Variants in RALYL observed in about 807,000 individuals in gnomAD.
The protein encoded by RALYL is RALY RNA binding protein like.
RALYL carries 29 observed loss-of-function variants against 35.1 expected under a neutral mutation model. That is an observed-to-expected ratio of 0.83 (90% CI 0.61 to 1.13). The LOEUF (loss-of-function observed/expected upper bound fraction) is 1.13, where lower values mean the gene tolerates loss of function less well. Among genes scored for constraint, RALYL ranks in the 50% most tolerant of loss-of-function variants. RALYL has a pLI of 0.00. For synonymous variants in RALYL, 120 were observed against 127.6 expected (o/e 0.94, Z 0.40); for missense variants, 359 against 360.4 (o/e 1.00, Z 0.03).
chr8:84,668,279 ATTG>A (rs1832473008), intron 2 of RALYL, among the ~76,000 whole-genome samples: 1 of 152,164 alleles, frequency 6.6e-6, no homozygotes, highest in East Asian at 1.9e-4. Flanking sequence ...GATGAATGCT[ATTG>A]TTGGAGCCCA....
intron 7 of RALYL, among the ~76,000 whole-genome samples, chr8:84,884,530 T>C (rs556754271): frequency 2.4e-4 from 34 of 143,094 alleles, no homozygotes; most frequent in African/African-American, 8.6e-4. Flanking sequence ...TACACACACA[T>C]ATATGTATAT....
chr8:84,602,186 C>T (rs1172241511), intron 2 of RALYL, among the ~76,000 whole-genome samples: 1 of 152,136 alleles, frequency 6.6e-6, no homozygotes, highest in Non-Finnish European at 1.5e-5. Flanking sequence ...GAGCTCCAGA[C>T]TGAAACATAT....
At chr8:84,858,341 G>A (rs746957384) in intron 5 of RALYL, among the ~76,000 whole-genome samples, 2 of 152,020 alleles carry the variant, frequency 1.3e-5, no homozygotes, top group Non-Finnish European at 2.9e-5. Flanking sequence ...TGGACCTTGA[G>A]GAAAGAATTA....
chr8:84,432,758 T>G (rs773217375), intron 1 of RALYL, among the ~76,000 whole-genome samples: 5 of 152,024 alleles, frequency 3.3e-5, no homozygotes, highest in Non-Finnish European at 7.4e-5. Context: ...GAGGCATAGA[T>G]TGGAATTATA....
intron 2 of RALYL, among the ~76,000 whole-genome samples, chr8:84,689,897 T>C (rs1837666302): frequency 6.6e-6 from 1 of 152,138 alleles, no homozygotes; most frequent in Admixed American, 6.6e-5. Flanking sequence ...ATAGCAAGTG[T>C]CATCAAGTGT....
chr8:84,707,098 T>G (rs1272512226), intron 2 of RALYL, among the ~76,000 whole-genome samples: 1 of 152,174 alleles, frequency 6.6e-6, no homozygotes, highest in Non-Finnish European at 1.5e-5. Context: ...TGCGATAATT[T>G]ATTCTTTGGT....
At chr8:84,477,150 A>C (rs2053522915) in intron 1 of RALYL, among the ~76,000 whole-genome samples, 1 of 152,038 alleles carries the variant, frequency 6.6e-6, no homozygotes, top group South Asian at 2.1e-4. Context: ...TTCTAGGTAA[A>C]ATTTCAAGTC....
At chr8:84,602,497 A>G (rs1249110609) in intron 2 of RALYL, among the ~76,000 whole-genome samples, 1 of 152,080 alleles carries the variant, frequency 6.6e-6, no homozygotes, top group Non-Finnish European at 1.5e-5. Context: ...CATTCCAGTC[A>G]ATTCCCCTAC....
rs374843936 is a variant in RALYL at position 84,438,219 on chromosome 8, C to T, written c.-23-91080C>T. On this transcript the variant is annotated intron_variant, in intron 1 of 8. Transcript: ENST00000521268. ...TGTAGGTTGTCTGTTTAGTTTACTC[C>T]GTTGATAATTTCTTTTCCTGTGCAG... Among the ~76,000 whole-genome samples the T allele has an allele frequency of 5.9e-5, 9 of 152,116 alleles. No individual in the cohort carries two copies. The East Asian group carries it at 1.4e-3, about 23-fold the overall frequency.
intron 2 of RALYL, among the ~76,000 whole-genome samples, chr8:84,748,354 T>G (rs940642432): frequency 6.6e-6 from 1 of 151,984 alleles, no homozygotes; most frequent in Non-Finnish European, 1.5e-5. Flanking sequence ...TTGGATAATA[T>G]GGATGAAAGA....
At position 84,756,964 on chromosome 8, in the gene RALYL, C is replaced by G. The variant is rs866957189; in HGVS notation, c.257-17615C>G. Among the ~76,000 whole-genome samples the G allele has an allele frequency of 9.2e-5, 14 of 152,134 alleles. 1 individual carries two copies. Among genetic ancestry groups the G allele is most frequent in the South Asian group, 8.3e-4 (4 of 4,820 alleles). On this transcript the variant is annotated intron_variant, in intron 2 of 8. Transcript: ENST00000521268. ...TTTAGAGACCGTGAATGTGAACACA[C>G]CATTTTTATTTAAAATTCCCTGTCA...
intron 2 of RALYL, among the ~76,000 whole-genome samples, chr8:84,622,602 A>G (rs1821789722): frequency 6.6e-6 from 1 of 152,130 alleles, no homozygotes; most frequent in East Asian, 1.9e-4. Flanking sequence ...GAGGGGCATT[A>G]GTACATATAA....
chr8:84,818,537 C>A (rs1827846852), intron 4 of RALYL, among the ~76,000 whole-genome samples: 2 of 152,134 alleles, frequency 1.3e-5, no homozygotes, highest in South Asian at 4.1e-4. Flanking sequence ...ATCAGACATT[C>A]CAGTCTAGTG....
At chr8:84,875,624 T>C (rs1465984722) in intron 7 of RALYL, among the ~76,000 whole-genome samples, 1 of 152,182 alleles carries the variant, frequency 6.6e-6, no homozygotes, top group Non-Finnish European at 1.5e-5. Flanking sequence ...TTAGTAATTG[T>C]TTCCTGAATA....
chr8:84,400,656 G>A (rs2042798347), intron 1 of RALYL, among the ~76,000 whole-genome samples: 1 of 152,126 alleles, frequency 6.6e-6, no homozygotes, highest in Non-Finnish European at 1.5e-5. Context: ...GTGTAAGGCA[G>A]ACATGAGTCA....
intron 1 of RALYL, among the ~76,000 whole-genome samples, chr8:84,268,132 G>A (rs1833669812): frequency 6.6e-6 from 1 of 152,208 alleles, no homozygotes; most frequent in African/African-American, 2.4e-5. Context: ...GCTGGGAGCT[G>A]TACAGCTAAT....
chr8:84,628,930 A>G (rs1291160049), intron 2 of RALYL, among the ~76,000 whole-genome samples: 2 of 152,118 alleles, frequency 1.3e-5, no homozygotes, highest in Non-Finnish European at 2.9e-5. Context: ...TAATCTTTTG[A>G]AACAGATAAT....
chr8:84,304,544 C>T (rs1470532081), intron 1 of RALYL, among the ~76,000 whole-genome samples: 5 of 152,106 alleles, frequency 3.3e-5, no homozygotes, highest in African/African-American at 1.2e-4. Flanking sequence ...TTAATAAACA[C>T]TAGCACTTTT....
intron 1 of RALYL, among the ~76,000 whole-genome samples, chr8:84,282,547 G>T (rs375930472): frequency 3.9e-5 from 6 of 151,918 alleles, no homozygotes; most frequent in Admixed American, 1.3e-4. Flanking sequence ...TAATTTTAAG[G>T]CTCTTTCTTT....
Sources: gnomAD v4.1 joint callset for allele counts (sites outside exome capture counted in the v4.1 genomes callset) on GRCh38, gnomAD v4.1.1 for gene constraint, MANE v1.5 for transcripts, NCBI Gene and HGNC (gene_info 2026-07-23, HGNC 2026-07-21) for gene names.